The following GPR35 variants were observed in gnomAD, a reference collection of about 807,000 sequenced individuals.
GPR35 encodes the protein G protein-coupled receptor 35, also known as KYNA receptor.
For missense variants in GPR35, 372 were observed against 422.5 expected (o/e 0.88, Z 1.05); for synonymous variants, 207 against 198.4 (o/e 1.04, Z -0.36).
At chr2:240,615,568 A>G (rs543706606) in intron 2 of GPR35, among the ~76,000 whole-genome samples, 23 of 152,256 alleles carry the variant, frequency 1.5e-4, no homozygotes, top group Non-Finnish European at 3.2e-4. Context: ...CAAGAGCCAA[A>G]GAGTCACAAC....
chr2:240,631,051 G>C lies in GPR35; in HGVS notation c.*169G>C. 3.2e-6 allele frequency: 2 copies of C among 630,936 alleles called. No individual in the cohort carries two copies. The highest frequency in any genetic ancestry group is 5.7e-6 in the Non-Finnish European group (2 of 351,302). The allele number at this position is 630,936 out of a possible 1,614,324, so 39.1% of individuals were successfully genotyped here. On this transcript the variant is annotated 3_prime_UTR_variant, in exon 2 of 2. Transcript: ENST00000407714. Reference sequence around the variant, plus strand: ...ACGGCCCAGGTACCTGCTCTCTTGGGAAGAGAGAGGGACAGGGACAAGGGC... The same window carrying C: ...ACGGCCCAGGTACCTGCTCTCTTGGCAAGAGAGAGGGACAGGGACAAGGGC...
intron 4 of GPR35, chr2:240,618,834 C>T: frequency 3.6e-6 from 2 of 547,986 alleles, no homozygotes; most frequent in Non-Finnish European, 6.5e-6. Context: ...CAAATACATT[C>T]TGGAGATGAC....
At position 240,625,563 on chromosome 2, in the gene GPR35, C is replaced by A. The variant is rs13019955; in HGVS notation, c.-10C>A. 676,791 of 985,218 alleles carry A rather than the reference C, an allele frequency of 0.69. 233,717 individuals carry two copies. Among genetic ancestry groups the A allele is most frequent in the East Asian group, 0.98 (8,623 of 8,770 alleles). The allele number at this position is 985,218 out of a possible 1,614,324, so 61.0% of individuals were successfully genotyped here. ...ACTCCACCCGGGAGGCCAAAGCTGC[C>A]TGCAGGTCAGTGCCGCCCACTGCCC... On this transcript the variant is annotated 5_prime_UTR_variant, in exon 1 of 2. The change creates a new upstream start codon in the 5' untranslated region. Coordinates refer to ENST00000407714, the MANE Select transcript of GPR35 (RefSeq NM_005301.5).
rs2043420008 is a variant in GPR35 at position 240,629,966 on chromosome 2, A to G, written c.14A>G (p.Tyr5Cys). 12 of 1,604,498 alleles carry G rather than the reference A, an allele frequency of 7.5e-6. No homozygotes were observed. The highest frequency in any genetic ancestry group is 7.7e-6 in the Non-Finnish European group (9 of 1,173,288). MNGT[Y>C]NTCGSSDLTW... ...TGCCCCAGGACCATGAATGGCACCTACAACACCTGTGGCTCCAGCGACCTC... is the reference window on the plus strand; with the variant it reads ...TGCCCCAGGACCATGAATGGCACCTGCAACACCTGTGGCTCCAGCGACCTC... Residue 5 changes from tyrosine (Y) to cysteine (C), a missense_variant, in exon 2 of 2, where the codon TAC (tyrosine) becomes TGC (cysteine). Physicochemically the swap from Tyr to Cys is radical, Grantham distance 194. Coordinates refer to ENST00000407714, the MANE Select transcript of GPR35 (RefSeq NM_005301.5).
intron 2 of GPR35, among the ~76,000 whole-genome samples, chr2:240,615,975 C>T (rs1418083799): frequency 6.6e-6 from 1 of 152,224 alleles, no homozygotes; most frequent in Non-Finnish European, 1.5e-5. Context: ...TGTGATCATT[C>T]AGGCCCAACC....
At chr2:240,623,403 GGC>G (rs2043326802), upstream of GPR35, among the ~76,000 whole-genome samples, 42 of 82,066 alleles carry the variant, frequency 5.1e-4, 3 homozygotes, top group African/African-American at 1.4e-3. Context: ...AGGTCGTGAG[GGC>G]GCAAACAGAT....
intron 5 of GPR35, among the ~76,000 whole-genome samples, chr2:240,620,456 G>A (rs762039803): frequency 6.6e-6 from 1 of 152,160 alleles, no homozygotes; most frequent in African/African-American, 2.4e-5. Context: ...GGTGCCTGGT[G>A]AAGGGAGGCG....
chr2:240,626,646 C>G (rs973864879), intron 1 of GPR35, among the ~76,000 whole-genome samples: 1 of 152,160 alleles, frequency 6.6e-6, no homozygotes, highest in Non-Finnish European at 1.5e-5. Context: ...TTGGTGAACT[C>G]GTGTCACTCA....
intron 3 of GPR35, chr2:240,616,618 A>G (rs773049479): frequency 6.0e-5 from 41 of 682,768 alleles, no homozygotes; most frequent in East Asian, 1.5e-4. Flanking sequence ...GCAGCCACCA[A>G]TGATCACGAA....
At chr2:240,621,782 G>A (rs2043298344), upstream of GPR35, among the ~76,000 whole-genome samples, 1 of 152,186 alleles carries the variant, frequency 6.6e-6, no homozygotes, top group Admixed American at 6.5e-5. Flanking sequence ...GCAAGAGGGG[G>A]AACACCCCAG....
intron 2 of GPR35, among the ~76,000 whole-genome samples, chr2:240,611,085 A>G (rs2043178519): frequency 6.6e-6 from 1 of 152,062 alleles, no homozygotes; most frequent in African/African-American, 2.4e-5. Context: ...GGTGCGTGCC[A>G]CTACGCCCAG....
intron 2 of GPR35, among the ~76,000 whole-genome samples, chr2:240,611,128 GT>G (rs142313927): frequency 2.0e-5 from 3 of 151,290 alleles, no homozygotes; most frequent in South Asian, 2.1e-4. Flanking sequence ...TTTTGTTTTT[GT>G]TTTTTTTCGG....
rs138114966 is a variant in GPR35 at position 240,612,829 on chromosome 2, G to A, written c.-576-3559G>A. On this transcript the variant is annotated intron_variant, in intron 2 of 5. Coordinates refer to the GPR35 transcript ENST00000319838. ...GGAGGTCAGAGCGTGGGTGAGAACC[G>A]TGGCCATGGGTGGGATCCACATCCC... Among the ~76,000 whole-genome samples the A allele has an allele frequency of 7.7e-4, 117 of 152,366 alleles. No homozygotes were observed. The East Asian group carries it at 0.017, about 23-fold the overall frequency.
Position 240,619,032 on chromosome 2 carries a change from G to A in GPR35, c.-5+1G>A, listed in dbSNP as rs1254556125. On this transcript the variant is annotated splice_donor_variant, in intron 5 of 5. Coordinates refer to the GPR35 transcript ENST00000319838. LOFTEE classifies it low-confidence loss of function (5UTR_SPLICE). Reference sequence around the variant, plus strand: ...TGCTTCATAGTCCTTGCGTCTCTCTGTGAGTACATTCCTAGAAGTGGGGTT... The same window carrying A: ...TGCTTCATAGTCCTTGCGTCTCTCTATGAGTACATTCCTAGAAGTGGGGTT... 7 of 702,308 alleles carry A rather than the reference G, an allele frequency of 1.0e-5. No homozygotes were observed. The highest frequency in any genetic ancestry group is 4.0e-5 in the Admixed American group (2 of 49,886). 43.5% of individuals were successfully genotyped at this position (702,308 alleles called of 1,614,324 possible).
chr2:240,616,522 T>C, intron 3 of GPR35: 1 of 778,796 alleles, frequency 1.3e-6, no homozygotes, highest in South Asian at 1.3e-5. Flanking sequence ...GTGAGAGTTT[T>C]GGTTTTTTGA....
chr2:240,630,414 G>C lies in GPR35; in HGVS notation c.462G>C (p.Leu154=), dbSNP rs996851702. 3.7e-6 allele frequency: 6 copies of C among 1,612,262 alleles called. No individual in the cohort carries two copies. The Admixed American group carries it at 6.7e-5, about 18-fold the overall frequency. The change falls in exon 2 of 2, where the codon CTG becomes CTC. Residue 154 remains leucine, a synonymous_variant. Coordinates refer to ENST00000407714, the MANE Select transcript of GPR35 (RefSeq NM_005301.5). Reference sequence around the variant, plus strand: ...GCTCCCTGGTGGCTCGCTGGCTCCTGGGGATTCAGGAGGGCGGCTTCTGCT... The same window carrying C: ...GCTCCCTGGTGGCTCGCTGGCTCCTCGGGATTCAGGAGGGCGGCTTCTGCT... ...VIGSLVARWL[L]GIQEGGFCFR...
chr2:240,621,707 G>C (rs1033953322), upstream of GPR35, among the ~76,000 whole-genome samples: 2 of 152,362 alleles, frequency 1.3e-5, no homozygotes, highest in African/African-American at 4.8e-5. Context: ...AGGCAAGTCA[G>C]AATGTGGTGA....
intron 1 of GPR35, among the ~76,000 whole-genome samples, chr2:240,626,193 C>G (rs28538380): frequency 4.5e-5 from 1 of 22,166 alleles, no homozygotes; most frequent in Non-Finnish European, 8.2e-5. Context: ...GGTCTCAGAG[C>G]GGGGTGAGGC....
chr2:240,622,025 C>T (rs905365474), upstream of GPR35, among the ~76,000 whole-genome samples: 11 of 151,234 alleles, frequency 7.3e-5, no homozygotes, highest in South Asian at 2.1e-4. Flanking sequence ...GGCATGCACC[C>T]CCATGCGTGG....
Sources: gnomAD v4.1 joint callset for allele counts (sites outside exome capture counted in the v4.1 genomes callset) on GRCh38, gnomAD v4.1.1 for gene constraint, MANE v1.5 for transcripts, NCBI Gene and HGNC (gene_info 2026-07-23, HGNC 2026-07-21) for gene names.